The following TNFSF12 variants were observed in gnomAD, a reference collection of about 807,000 sequenced individuals.
TNFSF12 encodes TNF superfamily member 12, also known as tumor necrosis factor ligand superfamily member 12.
TNFSF12 carries 16 observed loss-of-function variants against 31.2 expected under a neutral mutation model. The observed-to-expected ratio is 0.51, with a 90% CI of 0.35 to 0.78. The LOEUF is 0.78. Among genes scored for constraint, TNFSF12 ranks in the 30% least tolerant of loss-of-function variants. The pLI, the probability that TNFSF12 is intolerant of heterozygous loss-of-function variation, is 0.01. For synonymous variants in TNFSF12, 150 were observed against 151.4 expected, an observed-to-expected ratio of 0.99 and a Z score of 0.07; for missense variants, 324 against 338.8, an observed-to-expected ratio of 0.96 and a Z score of 0.34.
At chr17:7,551,222 C>A (rs2070998679) in intron 5 of TNFSF12, among the ~76,000 whole-genome samples, 1 of 152,184 alleles carries the variant, frequency 6.6e-6, no homozygotes, top group African/African-American at 2.4e-5. Context: ...TCATTCTTCT[C>A]CAAGAAGCAC....
At chr17:7,555,982 G>GTT (rs1167470187) in intron 5 of TNFSF12, among the ~76,000 whole-genome samples, 31,094 of 117,584 alleles carry the variant, frequency 0.26, 5,205 homozygotes, top group Admixed American at 0.39. Context: ...CGTTTTTTTT[G>GTT]TTTTTTTTTT....
chr17:7,556,534 C>T (rs1282630162), intron 5 of TNFSF12, among the ~76,000 whole-genome samples: 2 of 152,200 alleles, frequency 1.3e-5, no homozygotes, highest in Non-Finnish European at 2.9e-5. Flanking sequence ...CTACTCTTCT[C>T]CCCAGAAGTG....
At chr17:7,556,724 T>G in intron 5 of TNFSF12, 54 bp from the exon 6 acceptor site, 1 of 1,414,402 alleles carries the variant, frequency 7.1e-7, no homozygotes, top group Non-Finnish European at 9.3e-7. Context: ...CCCTGGGGAG[T>G]GTGGGGGAGT....
At position 7,550,201 on chromosome 17, in the gene TNFSF12, C is replaced by T; in HGVS notation, c.283+6C>T. 1 of 1,614,134 alleles carries T rather than the reference C, an allele frequency of 6.2e-7. No homozygotes were observed. Among genetic ancestry groups the T allele is most frequent in the East Asian group, 2.2e-5 (1 of 44,888 alleles). ...AGTTCGGCCTCGCAGAAGTGGTGAG[C>T]ATCCCTCTATCCCAACCTCAGGAAG... On this transcript the variant is annotated splice_donor_region_variant and intron_variant, in intron 3 of 6. Transcript: ENST00000293825. This position sits in a 1 kb window ranked among gnomAD's most constrained non-coding sequence, Gnocchi z 4.4.
chr17:7,553,678 T>C, intron 5 of TNFSF12: 1 of 1,303,434 alleles, frequency 7.7e-7, no homozygotes, highest in South Asian at 1.2e-5. Flanking sequence ...GTACTGGACA[T>C]GGTCTGCATG....
In TNFSF12 at chr17:7,553,692, G is replaced by C. The variant is rs2071026434; in HGVS notation, c.373+2714G>C. 5.4e-6 allele frequency: 7 copies of C among 1,302,332 alleles called. No individual in the cohort carries two copies. The Admixed American group carries it at 1.4e-4, about 26-fold the overall frequency. The allele number at this position is 1,302,332 out of a possible 1,614,324, so 80.7% of individuals were successfully genotyped here. On this transcript the variant is annotated intron_variant, in intron 5 of 6. Transcript: ENST00000293825. ...TGTACTGGACATGGTCTGCATGAAA[G>C]GCGAGGTGGCTGGTGCAGGGGTGAG...
rs200059075 is a variant in TNFSF12 at position 7,556,847 on chromosome 17, G to A, written c.443G>A (p.Arg148His). The A allele has an allele frequency of 3.4e-5, 53 of 1,558,966 alleles. No individual in the cohort carries two copies. In the African/African-American group the frequency reaches 4.1e-4, roughly 12 times the overall value. ...INSSSPLRYNRQIGEFIVTRA... is the reference protein window; with the variant it reads ...INSSSPLRYNHQIGEFIVTRA... Reference sequence around the variant, plus strand: ...AGCTCCAGCCCTCTGCGCTACAACCGCCAGATCGGGGAGTTTATAGTCACC... The same window carrying A: ...AGCTCCAGCCCTCTGCGCTACAACCACCAGATCGGGGAGTTTATAGTCACC... The change falls in exon 6 of 7, where the codon CGC becomes CAC. Residue 148 changes from arginine to histidine, a missense_variant. Coordinates refer to ENST00000293825, the MANE Select transcript of TNFSF12 (RefSeq NM_003809.3).
chr17:7,554,387 T>C lies in TNFSF12; in HGVS notation c.374-2391T>C, dbSNP rs567649101. On this transcript the variant is annotated intron_variant, in intron 5 of 6. Coordinates refer to ENST00000293825, the MANE Select transcript of TNFSF12 (RefSeq NM_003809.3). Reference sequence around the variant, plus strand: ...GGAGTGTAGTGGCGCGATCTCGGCTTACTGCAAGCTCCGCCTCCTGGGTTC... The same window carrying C: ...GGAGTGTAGTGGCGCGATCTCGGCTCACTGCAAGCTCCGCCTCCTGGGTTC... 3.6e-3 allele frequency among the ~76,000 whole-genome samples: 534 copies of C among 146,894 alleles called. 11 individuals carry two copies. Among genetic ancestry groups the C allele is most frequent in the Admixed American group, 0.033 (470 of 14,390 alleles).
chr17:7,550,339 C>A lies in TNFSF12; in HGVS notation c.283+144C>A. On this transcript the variant is annotated intron_variant, in intron 3 of 6. Coordinates refer to ENST00000293825, the MANE Select transcript of TNFSF12 (RefSeq NM_003809.3). This position sits in a 1 kb window ranked among gnomAD's most constrained non-coding sequence, Gnocchi z 4.4. Reference sequence around the variant, plus strand: ...ACTCAAACCTAGGGATTCTCGCCCTCCTCTGAAGCTCCTTCTGTCATATGG... The same window carrying A: ...ACTCAAACCTAGGGATTCTCGCCCTACTCTGAAGCTCCTTCTGTCATATGG... 1 of 1,261,384 alleles carries A rather than the reference C, an allele frequency of 7.9e-7. No homozygotes were observed. Among genetic ancestry groups the A allele is most frequent in the Non-Finnish European group, 1.1e-6 (1 of 903,802 alleles). The allele number at this position is 1,261,384 out of a possible 1,614,324, so 78.1% of individuals were successfully genotyped here.
In TNFSF12 at chr17:7,550,686, T is replaced by A; in HGVS notation, c.284-113T>A. 6.8e-7 allele frequency: 1 copy of A among 1,470,526 alleles called. No individual in the cohort carries two copies. The highest frequency in any genetic ancestry group is 2.3e-5 in the East Asian group (1 of 43,458). The allele number at this position is 1,470,526 out of a possible 1,614,324, so 91.1% of individuals were successfully genotyped here. A position where few individuals can be genotyped will look rare whatever the true frequency, so the allele number is the denominator to read the frequency against. On this transcript the variant is annotated intron_variant, in intron 3 of 6. Coordinates refer to ENST00000293825, the MANE Select transcript of TNFSF12 (RefSeq NM_003809.3). This position sits in a 1 kb window ranked among gnomAD's most constrained non-coding sequence, Gnocchi z 4.4. ...AGGCCTGAGATTCTAAGGCCAGGAG[T>A]CTGGACAAGAATAAGGATGCCAGGG...
chr17:7,556,625 C>T (rs1000715734), intron 5 of TNFSF12, among the ~76,000 whole-genome samples, 153 bp from the exon 6 acceptor site: 1 of 152,198 alleles, frequency 6.6e-6, no homozygotes, highest in African/African-American at 2.4e-5. Flanking sequence ...CAACTATGGG[C>T]ATCATAGGGG....
chr17:7,552,269 C>T (rs897975110), intron 5 of TNFSF12, among the ~76,000 whole-genome samples: 4 of 150,960 alleles, frequency 2.6e-5, no homozygotes, highest in African/African-American at 9.7e-5. Flanking sequence ...TGGACATTGT[C>T]GACTAGCTTA....
intron 5 of TNFSF12, 85 bp downstream of exon 5, chr17:7,551,063 A>G (rs1010310690): frequency 3.7e-6 from 6 of 1,600,600 alleles, no homozygotes; most frequent in Non-Finnish European, 4.3e-6. Flanking sequence ...CTTCCCGGCC[A>G]TCAGTCTCAG....
intron 5 of TNFSF12, among the ~76,000 whole-genome samples, chr17:7,554,653 C>T (rs2071039577): frequency 2.1e-5 from 3 of 144,900 alleles, no homozygotes. Flanking sequence ...GAGTTTTGCT[C>T]TTGTTGCCCC....
chr17:7,557,307 C>T lies in TNFSF12; in HGVS notation c.707C>T (p.Ala236Val), dbSNP rs2071085410. Residue 236 changes from alanine to valine, a missense_variant, in exon 7 of 7, where the codon GCT becomes GTT. Coordinates refer to ENST00000293825, the MANE Select transcript of TNFSF12 (RefSeq NM_003809.3). This position sits in a 1 kb window ranked among gnomAD's most constrained non-coding sequence, Gnocchi z 5.2. ...IRTLPWAHLK[A>V]APFLTYFGLF... is the part of the protein sequence containing the mutation. The stretch of plus-strand genomic sequence containing the variant: ...ACCCTCCCCTGGGCCCATCTCAAGG[C>T]TGCCCCCTTCCTCACCTACTTCGGA... 7 of 1,612,236 alleles carry T rather than the reference C, an allele frequency of 4.3e-6. No individual in the cohort carries two copies. Among genetic ancestry groups the T allele is most frequent in the East Asian group, 2.2e-5 (1 of 44,854 alleles).
chr17:7,549,076 G>GC lies in TNFSF12; in HGVS notation c.-75dup. The GC allele has an allele frequency of 9.8e-7, 1 of 1,016,044 alleles. No homozygotes were observed. Among genetic ancestry groups the GC allele is most frequent in the East Asian group, 5.5e-5 (1 of 18,194 alleles). 62.9% of individuals were successfully genotyped at this position (1,016,044 alleles called of 1,614,324 possible). On this transcript the variant is annotated 5_prime_UTR_variant, in exon 1 of 7. Coordinates refer to ENST00000293825, the MANE Select transcript of TNFSF12 (RefSeq NM_003809.3). The surrounding 1 kb of genome is among the most constrained non-coding windows in gnomAD (Gnocchi z 4.1). ...CCCCTCCCTCTCCCCGGCCCGATCC[G>GC]CCCGCCGGCTCCCCCTCCCCCGATC...
intron 5 of TNFSF12, among the ~76,000 whole-genome samples, chr17:7,551,776 C>T (rs2071003486): frequency 2.0e-5 from 3 of 152,086 alleles, no homozygotes; most frequent in Admixed American, 2.0e-4. Flanking sequence ...AGGGAGGAAT[C>T]ACAGATGACT....
chr17:7,557,416 G>T lies in TNFSF12; in HGVS notation c.*66G>T. 6.6e-7 allele frequency: 1 copy of T among 1,519,300 alleles called. No individual in the cohort carries two copies. 94.1% of individuals were successfully genotyped at this position (1,519,300 alleles called of 1,614,324 possible). The stretch of plus-strand genomic sequence containing the variant: ...CCCCTCGACAGCTCTCTGGGCACCC[G>T]GTCCCCTCTGCCCCACCCTCAGCCG... On this transcript the variant is annotated 3_prime_UTR_variant, in exon 7 of 7. Transcript: ENST00000293825. The surrounding 1 kb of genome is among the most constrained non-coding windows in gnomAD (Gnocchi z 5.2).
chr17:7,550,116 C>G lies in TNFSF12; in HGVS notation c.208-4C>G, dbSNP rs1472613088. On this transcript the variant is annotated splice_polypyrimidine_tract_variant and splice_region_variant and intron_variant, in intron 2 of 6. Coordinates refer to ENST00000293825, the MANE Select transcript of TNFSF12 (RefSeq NM_003809.3). This position sits in a 1 kb window ranked among gnomAD's most constrained non-coding sequence, Gnocchi z 4.4. ...GTGGTTGAACCCTGCCCTAATTCCC[C>G]TAGGAACTGAATCCCCAGACAGAAG... The G allele has an allele frequency of 1.2e-6, 2 of 1,614,068 alleles. No individual in the cohort carries two copies. The highest frequency in any genetic ancestry group is 1.7e-6 in the Non-Finnish European group (2 of 1,180,006).
Sources: allele counts gnomAD v4.1 joint callset (sites outside exome capture counted in the v4.1 genomes callset), GRCh38; gene constraint gnomAD v4.1.1; non-coding constraint Gnocchi (gnomAD v3.1); transcripts MANE v1.5; gene names NCBI Gene and HGNC (gene_info 2026-07-23, HGNC 2026-07-21).